Variants in CFAP299 observed in about 807,000 individuals in gnomAD.
CFAP299 encodes the protein cilia and flagella associated protein 299.
A neutral mutation model predicts 27.0 loss-of-function variants in CFAP299; 21 were observed. That is an observed-to-expected ratio of 0.78 (90% CI 0.55 to 1.12). CFAP299 has a LOEUF of 1.12. Among genes scored for constraint, CFAP299 ranks in the 50% most tolerant of loss-of-function variants. The pLI, the probability that CFAP299 is intolerant of heterozygous loss-of-function variation, is 0.00. For missense variants in CFAP299, 310 were observed against 276.6 expected, an observed-to-expected ratio of 1.12 and a Z score of -0.86; for synonymous variants, 104 against 98.1, an observed-to-expected ratio of 1.06 and a Z score of -0.36.
chr4:80,515,770 C>T (rs1406806665), intron 2 of CFAP299, among the ~76,000 whole-genome samples: 8 of 152,096 alleles, frequency 5.3e-5, no homozygotes. Flanking sequence ...ATTTCACATG[C>T]ATTTATTTAT....
At chr4:80,622,836 A>G (rs1003541371) in intron 3 of CFAP299, among the ~76,000 whole-genome samples, 1 of 152,144 alleles carries the variant, frequency 6.6e-6, no homozygotes, top group African/African-American at 2.4e-5. Flanking sequence ...GCAATACTTG[A>G]AACTAGAGAT....
chr4:80,356,701 G>T (rs1221976881), intron 1 of CFAP299, among the ~76,000 whole-genome samples: 1 of 151,960 alleles, frequency 6.6e-6, no homozygotes, highest in Non-Finnish European at 1.5e-5. Context: ...CTGAGACTTT[G>T]CTGGAGTTGC....
At chr4:80,726,999 C>G (rs1243567854) in intron 3 of CFAP299, among the ~76,000 whole-genome samples, 2 of 151,980 alleles carry the variant, frequency 1.3e-5, no homozygotes, top group Admixed American at 6.6e-5. Flanking sequence ...CCACACCCCA[C>G]TCCACCCCCA....
chr4:80,919,477 T>C (rs1735932514), intron 4 of CFAP299, among the ~76,000 whole-genome samples: 1 of 152,176 alleles, frequency 6.6e-6, no homozygotes, highest in East Asian at 1.9e-4. Context: ...TTCAGGCTAT[T>C]GAAATGTTTT....
chr4:80,783,317 A>G (rs1167913590), intron 3 of CFAP299, among the ~76,000 whole-genome samples: 1 of 152,122 alleles, frequency 6.6e-6, no homozygotes, highest in Non-Finnish European at 1.5e-5. Flanking sequence ...TGTAGGAGGG[A>G]ACTAGATCAC....
At chr4:80,371,999 A>G (rs1012888825) in intron 2 of CFAP299, among the ~76,000 whole-genome samples, 1 of 152,190 alleles carries the variant, frequency 6.6e-6, no homozygotes, top group Non-Finnish European at 1.5e-5. Context: ...CCATTCTTGC[A>G]TTGCTATAAA....
chr4:80,803,736 T>A (rs1728726620), intron 3 of CFAP299, among the ~76,000 whole-genome samples: 1 of 149,108 alleles, frequency 6.7e-6, no homozygotes, highest in African/African-American at 2.4e-5. Flanking sequence ...ATGTATAATA[T>A]ATATTTTATT....
rs138769796 is a variant in CFAP299 at position 80,743,682 on chromosome 4, G to A, written c.334-126311G>A. ...TTGCCACATGTCAGAAGCCATAAAA[G>A]AAAATGCACTTATTAGGACAAATAC... On this transcript the variant is annotated intron_variant, in intron 3 of 5. Coordinates refer to ENST00000358105, the MANE Select transcript of CFAP299 (RefSeq NM_152770.3). Among the ~76,000 whole-genome samples, 309 of 152,238 alleles carry A rather than the reference G, an allele frequency of 2.0e-3. 4 individuals are homozygous for A. Among genetic ancestry groups the A allele is most frequent in the East Asian group, 0.015 (76 of 5,180 alleles).
chr4:80,722,329 A>G (rs1253583872), intron 3 of CFAP299, among the ~76,000 whole-genome samples: 1 of 151,964 alleles, frequency 6.6e-6, no homozygotes, highest in African/African-American at 2.4e-5. Context: ...AGGCAGGAGA[A>G]TCGCTTGAAC....
intron 3 of CFAP299, among the ~76,000 whole-genome samples, chr4:80,595,813 T>TGA (rs1161123097): frequency 1.3e-5 from 2 of 152,188 alleles, no homozygotes; most frequent in African/African-American, 4.8e-5. Flanking sequence ...ACATATTTTC[T>TGA]GGTGTGTTTT....
At chr4:80,626,800 A>T (rs1738932666) in intron 3 of CFAP299, among the ~76,000 whole-genome samples, 1 of 151,818 alleles carries the variant, frequency 6.6e-6, no homozygotes, top group Non-Finnish European at 1.5e-5. Context: ...TTATGAAGAC[A>T]TAAAAAATCT....
intron 2 of CFAP299, among the ~76,000 whole-genome samples, chr4:80,407,334 G>C (rs912041961): frequency 6.6e-6 from 1 of 152,172 alleles, no homozygotes; most frequent in African/African-American, 2.4e-5. Context: ...AAGTGTATGG[G>C]TTGGCTGGGC....
chr4:80,708,357 C>T (rs1325775210), intron 3 of CFAP299, among the ~76,000 whole-genome samples: 1 of 151,738 alleles, frequency 6.6e-6, no homozygotes, highest in Non-Finnish European at 1.5e-5. Flanking sequence ...CATTCTTTGT[C>T]CTTTTGCTCT....
chr4:80,700,579 G>A (rs1439505201), intron 3 of CFAP299, among the ~76,000 whole-genome samples: 2 of 151,986 alleles, frequency 1.3e-5, no homozygotes, highest in South Asian at 4.1e-4. Flanking sequence ...GCTCTAGTGC[G>A]ACACTGGCTA....
At chr4:80,799,198 A>G (rs1480090524) in intron 3 of CFAP299, among the ~76,000 whole-genome samples, 4 of 118,922 alleles carry the variant, frequency 3.4e-5, no homozygotes, top group Non-Finnish European at 6.5e-5. Context: ...TATTTATATA[A>G]TATTTATATA....
Position 80,639,125 on chromosome 4 carries a change from A to C in CFAP299, c.333+55942A>C, listed in dbSNP as rs139932560. On this transcript the variant is annotated intron_variant, in intron 3 of 5. Coordinates refer to ENST00000358105, the MANE Select transcript of CFAP299 (RefSeq NM_152770.3). ...AAGGCCTCATCTCCAAATACCATAC[A>C]TCAGGAGTTAGGGCTGCAACACATG... 5.1e-3 allele frequency among the ~76,000 whole-genome samples: 771 copies of C among 152,252 alleles called. 5 individuals carry two copies. Among genetic ancestry groups the C allele is most frequent in the Middle Eastern group, 0.02 (6 of 294 alleles).
At chr4:80,788,030 C>G (rs1727345289) in intron 3 of CFAP299, among the ~76,000 whole-genome samples, 1 of 151,996 alleles carries the variant, frequency 6.6e-6, no homozygotes, top group African/African-American at 2.4e-5. Flanking sequence ...GACTCACTCT[C>G]TGAGTTTCTG....
intron 3 of CFAP299, among the ~76,000 whole-genome samples, chr4:80,794,265 G>A (rs1727729524): frequency 6.6e-6 from 1 of 152,148 alleles, no homozygotes; most frequent in Non-Finnish European, 1.5e-5. Flanking sequence ...TCTCCTGGTG[G>A]CAGCATTCCT....
At chr4:80,383,352 TA>T (rs74515149) in intron 2 of CFAP299, among the ~76,000 whole-genome samples, 23,466 of 151,742 alleles carry the variant, frequency 0.15, 1,990 homozygotes, top group East Asian at 0.25. Flanking sequence ...AGTTTAAAAA[TA>T]AAAAAAGAAA....
Sources: gnomAD v4.1 joint callset for allele counts (sites outside exome capture counted in the v4.1 genomes callset) on GRCh38, gnomAD v4.1.1 for gene constraint, MANE v1.5 for transcripts, NCBI Gene and HGNC (gene_info 2026-07-23, HGNC 2026-07-21) for gene names.